Variants in CTTNBP2 observed in about 807,000 individuals in gnomAD.
CTTNBP2 encodes the protein cortactin binding protein 2.
CTTNBP2 carries 108 observed loss-of-function variants against 156.9 expected under a neutral mutation model. That is an observed-to-expected ratio of 0.69 (90% CI 0.59 to 0.81). The LOEUF is 0.81. Among genes scored for constraint, CTTNBP2 ranks in the 30% least tolerant of loss-of-function variants. The pLI is 0.00. For synonymous variants in CTTNBP2, 767 were observed against 751.8 expected, an observed-to-expected ratio of 1.02 and a Z score of -0.33; for missense variants, 1,924 against 2,035.4, an observed-to-expected ratio of 0.95 and a Z score of 1.05.
chr7:117,869,624 G>A (rs1049701699), intron 1 of CTTNBP2, among the ~76,000 whole-genome samples: 1 of 152,122 alleles, frequency 6.6e-6, no homozygotes, highest in African/African-American at 2.4e-5. Flanking sequence ...AAACACACAA[G>A]GATAGAACCA....
At chr7:117,757,467 G>A (rs1374214560) in intron 11 of CTTNBP2, among the ~76,000 whole-genome samples, 1 of 149,318 alleles carries the variant, frequency 6.7e-6, no homozygotes, top group Non-Finnish European at 1.5e-5. Context: ...CACATAGCAG[G>A]TGCTCACTAA....
At chr7:117,857,052 G>T (rs1803377950) in intron 2 of CTTNBP2, among the ~76,000 whole-genome samples, 1 of 152,148 alleles carries the variant, frequency 6.6e-6, no homozygotes, top group Non-Finnish European at 1.5e-5. Context: ...TGCCTATCTT[G>T]GTGTTCAGAA....
intron 1 of CTTNBP2, among the ~76,000 whole-genome samples, chr7:117,865,432 C>T (rs1007399098): frequency 1.3e-5 from 2 of 151,130 alleles, no homozygotes; most frequent in Admixed American, 6.6e-5. Flanking sequence ...AGGCCAAGGC[C>T]GGCAGATTGC....
Position 117,728,187 on chromosome 7 carries a change from GT to G in CTTNBP2, c.3956del (p.Asn1319ThrfsTer24), listed in dbSNP as rs1795204070. 6.2e-7 allele frequency: 1 copy of G among 1,614,166 alleles called. No homozygotes were observed. Among genetic ancestry groups the G allele is most frequent in the East Asian group, 2.2e-5 (1 of 44,886 alleles). On this transcript the variant is annotated frameshift_variant, in exon 17 of 23. Coordinates refer to ENST00000160373, the MANE Select transcript of CTTNBP2 (RefSeq NM_033427.3). LOFTEE classifies it high-confidence loss of function. ...DWALSVWRQLNSCLARLGTPE... is the reference protein window; with the variant it reads ...DWALSVWRQLXSCLARLGTPE... ...GTGTGCCCAAGCGGGCCAGGCAGGA[GT>G]TAAGCTGACGCCAGACGGACAGAGC...
intron 1 of CTTNBP2, among the ~76,000 whole-genome samples, chr7:117,869,208 A>T (rs1804411708): frequency 6.6e-6 from 1 of 152,260 alleles, no homozygotes; most frequent in Non-Finnish European, 1.5e-5. Context: ...CAGTATTAAG[A>T]TGAAAATTTT....
intron 14 of CTTNBP2, among the ~76,000 whole-genome samples, chr7:117,742,981 C>A (rs544035305): frequency 3.3e-5 from 5 of 152,332 alleles, no homozygotes; most frequent in African/African-American, 1.2e-4. Context: ...TGCTTCACCT[C>A]TTCCTGTGGC....
chr7:117,741,617 G>A (rs1796022943), intron 14 of CTTNBP2, among the ~76,000 whole-genome samples: 1 of 152,134 alleles, frequency 6.6e-6, no homozygotes, highest in Non-Finnish European at 1.5e-5. Context: ...GGGTATAGAA[G>A]GATTTTTATT....
chr7:117,838,524 C>A (rs1584522847), intron 2 of CTTNBP2, among the ~76,000 whole-genome samples: 1 of 152,124 alleles, frequency 6.6e-6, no homozygotes. Context: ...TTTAAAAATT[C>A]ATTAACAGAG....
intron 12 of CTTNBP2, among the ~76,000 whole-genome samples, chr7:117,750,412 T>C (rs1237037255): frequency 1.3e-5 from 2 of 152,306 alleles, no homozygotes; most frequent in African/African-American, 2.4e-5. Context: ...TAGTCTAATG[T>C]CCCTCATGGG....
At chr7:117,746,169 G>GC in intron 12 of CTTNBP2, 70 bp from the exon 13 acceptor site, 1 of 1,017,718 alleles carries the variant, frequency 9.8e-7, no homozygotes. Flanking sequence ...TGGTACACAG[G>GC]TGTGGAATTC....
chr7:117,802,458 CAA>C lies in CTTNBP2; in HGVS notation c.414+8305_414+8306del, dbSNP rs1318587715. On this transcript the variant is annotated intron_variant, in intron 3 of 22. Coordinates refer to ENST00000160373, the MANE Select transcript of CTTNBP2 (RefSeq NM_033427.3). ...TTGGCAAAAAAAAAAAAAAAAAAAACAAAAACAAACAAACAAAAAAACAAAAA... is the reference window on the plus strand; with the variant it reads ...TTGGCAAAAAAAAAAAAAAAAAAAACAAACAAACAAACAAAAAAACAAAAA... Among the ~76,000 whole-genome samples, 625 of 107,400 alleles carry C rather than the reference CAA, an allele frequency of 5.8e-3. 6 individuals carry two copies. Among genetic ancestry groups the C allele is most frequent in the African/African-American group, 0.019 (599 of 31,764 alleles). 70.5% of individuals were successfully genotyped at this position (107,400 alleles called of 152,430 possible).
At chr7:117,847,110 C>T (rs918524956) in intron 2 of CTTNBP2, among the ~76,000 whole-genome samples, 1 of 151,698 alleles carries the variant, frequency 6.6e-6, no homozygotes, top group Non-Finnish European at 1.5e-5. Context: ...TTTTAGATTA[C>T]AGGGTTACCA....
intron 2 of CTTNBP2, among the ~76,000 whole-genome samples, chr7:117,821,109 C>A (rs185173946): frequency 6.6e-6 from 1 of 152,030 alleles, no homozygotes; most frequent in East Asian, 1.9e-4. Flanking sequence ...TTATAAATTC[C>A]TTTTTTGGTT....
chr7:117,813,982 G>A (rs1800432122), intron 2 of CTTNBP2, among the ~76,000 whole-genome samples: 2 of 152,268 alleles, frequency 1.3e-5, no homozygotes, highest in Non-Finnish European at 1.5e-5. Flanking sequence ...ATTATGATGA[G>A]TTATCTGCTG....
chr7:117,757,844 T>C (rs1316346292), intron 11 of CTTNBP2, 31 bp downstream of exon 11: 1 of 1,479,564 alleles, frequency 6.8e-7, no homozygotes, highest in Admixed American at 2.0e-5. Context: ...AAACACTCTT[T>C]AAACGTCACC....
intron 14 of CTTNBP2, among the ~76,000 whole-genome samples, chr7:117,737,909 T>C (rs1042501601): frequency 3.8e-4 from 58 of 152,216 alleles, no homozygotes; most frequent in African/African-American, 1.4e-3. Context: ...GAAATGGCAC[T>C]GGCCGAAGAA....
chr7:117,772,757 C>A (rs1156912449), intron 8 of CTTNBP2, among the ~76,000 whole-genome samples: 2 of 152,100 alleles, frequency 1.3e-5, no homozygotes, highest in Non-Finnish European at 2.9e-5. Flanking sequence ...TGCGGATCAA[C>A]AAGATCATTC....
At chr7:117,871,109 T>C (rs1804565644) in intron 1 of CTTNBP2, among the ~76,000 whole-genome samples, 1 of 152,018 alleles carries the variant, frequency 6.6e-6, no homozygotes, top group African/African-American at 2.4e-5. Flanking sequence ...AGTCAACAAA[T>C]CTCCAAAATG....
At chr7:117,712,806 T>C (rs188042809) in intron 22 of CTTNBP2, among the ~76,000 whole-genome samples, 195 of 152,264 alleles carry the variant, frequency 1.3e-3, no homozygotes, top group Non-Finnish European at 5.7e-4. Flanking sequence ...AGTTCTGGGG[T>C]GTGGCATGGA....
Sources: gnomAD v4.1 joint callset for allele counts (sites outside exome capture counted in the v4.1 genomes callset) on GRCh38, gnomAD v4.1.1 for gene constraint, MANE v1.5 for transcripts, NCBI Gene and HGNC (gene_info 2026-07-23, HGNC 2026-07-21) for gene names.